The following RAD51B variants were observed in gnomAD, a reference collection of about 807,000 sequenced individuals.
RAD51B encodes the protein DNA repair protein RAD51 homolog 2.
In RAD51B, 38 loss-of-function variants were observed where a neutral mutation model predicts 42.2. The ratio of observed to expected loss-of-function variants is 0.90; its 90% CI spans 0.70 to 1.18. The LOEUF (loss-of-function observed/expected upper bound fraction) is 1.18, where lower values mean the gene tolerates loss of function less well. RAD51B is among the 50% of genes most tolerant of loss of function. The probability of loss-of-function intolerance (pLI) is 0.00; values close to 1 mark genes in which losing one functional copy is unlikely to be tolerated. For synonymous variants in RAD51B, 154 were observed against 145.2 expected, an observed-to-expected ratio of 1.06 and a Z score of -0.43; for missense variants, 373 against 400.7, an observed-to-expected ratio of 0.93 and a Z score of 0.59.
chr14:68,079,397 C>A (rs115905679), intron 7 of RAD51B, among the ~76,000 whole-genome samples: 1 of 152,128 alleles, frequency 6.6e-6, no homozygotes, highest in South Asian at 2.1e-4. Flanking sequence ...TATTTTGGGG[C>A]ATTTTAAAAA....
intron 10 of RAD51B, among the ~76,000 whole-genome samples, chr14:68,593,381 G>A (rs1009174527): frequency 1.3e-5 from 2 of 152,200 alleles, no homozygotes; most frequent in Admixed American, 6.5e-5. Flanking sequence ...TCAAGCTCTC[G>A]CCAGCCGATG....
At chr14:68,488,224 A>G (rs1010513059) in intron 10 of RAD51B, among the ~76,000 whole-genome samples, 11 of 136,470 alleles carry the variant, frequency 8.1e-5, no homozygotes, top group Non-Finnish European at 1.4e-4. Context: ...TTTTTTTTCA[A>G]TAATACAGGG....
At chr14:68,201,218 A>G (rs997914553) in intron 7 of RAD51B, among the ~76,000 whole-genome samples, 4 of 152,238 alleles carry the variant, frequency 2.6e-5, no homozygotes, top group African/African-American at 9.6e-5. Context: ...TATTGATTTT[A>G]TAAATATAAA....
At chr14:68,371,538 G>C (rs2083265395) in intron 8 of RAD51B, among the ~76,000 whole-genome samples, 1 of 151,862 alleles carries the variant, frequency 6.6e-6, no homozygotes, top group Admixed American at 6.6e-5. Flanking sequence ...AAGGGGTTCT[G>C]TCCTAGAATA....
chr14:68,561,808 A>G (rs1889164104), intron 10 of RAD51B, among the ~76,000 whole-genome samples: 1 of 152,208 alleles, frequency 6.6e-6, no homozygotes, highest in Admixed American at 6.5e-5. Context: ...TTGGTGAATG[A>G]ACATACCGGC....
intron 8 of RAD51B, among the ~76,000 whole-genome samples, chr14:68,333,283 T>C (rs577979879): frequency 3.3e-5 from 5 of 152,298 alleles, no homozygotes; most frequent in Admixed American, 3.3e-4. Flanking sequence ...AACTGGTGAT[T>C]TTTAGAAGAA....
intron 7 of RAD51B, among the ~76,000 whole-genome samples, chr14:68,239,168 C>A (rs904295259): frequency 6.6e-6 from 1 of 152,202 alleles, no homozygotes; most frequent in Admixed American, 6.5e-5. Context: ...GAGGAAAACG[C>A]CTCCACTCCC....
intron 4 of RAD51B, among the ~76,000 whole-genome samples, chr14:67,857,658 T>C (rs1182284288): frequency 6.6e-6 from 1 of 152,200 alleles, no homozygotes; most frequent in African/African-American, 2.4e-5. Context: ...ACTTGGCACA[T>C]GGATAGTATG....
rs116867856 is a variant in RAD51B at position 68,204,570 on chromosome 14, A to T, written c.757-87314A>T. Among the ~76,000 whole-genome samples, 703 of 152,362 alleles carry T rather than the reference A, an allele frequency of 4.6e-3. 4 individuals carry two copies. The highest frequency in any genetic ancestry group is 0.014 in the Middle Eastern group (4 of 294). The stretch of plus-strand genomic sequence containing the variant: ...AAAATGGCACTAATAGACTTGTTTG[A>T]TGCAGAGTTGCCACAACCTTCAATT... On this transcript the variant is annotated intron_variant, in intron 7 of 10. Coordinates refer to ENST00000471583, the MANE Select transcript of RAD51B (RefSeq NM_133510.4).
At chr14:68,366,323 T>A (rs2083141841) in intron 8 of RAD51B, among the ~76,000 whole-genome samples, 1 of 152,188 alleles carries the variant, frequency 6.6e-6, no homozygotes, top group South Asian at 2.1e-4. Context: ...TCATCCTCTC[T>A]CTGACCATGA....
intron 10 of RAD51B, among the ~76,000 whole-genome samples, chr14:68,586,401 C>T (rs1156591945): frequency 3.3e-5 from 5 of 152,184 alleles, no homozygotes; most frequent in Non-Finnish European, 5.9e-5. Flanking sequence ...AGAACCTCAC[C>T]GGCCCTTGTG....
intron 10 of RAD51B, among the ~76,000 whole-genome samples, chr14:68,618,258 C>T (rs561851373): frequency 1.1e-4 from 16 of 152,332 alleles, no homozygotes; most frequent in African/African-American, 3.4e-4. Context: ...AATGGGGCAC[C>T]ATTGACCTCT....
At chr14:68,537,784 T>G (rs1436216855) in intron 10 of RAD51B, among the ~76,000 whole-genome samples, 2 of 152,168 alleles carry the variant, frequency 1.3e-5, no homozygotes, top group African/African-American at 4.8e-5. Context: ...TTTTTCTTAA[T>G]CGACCTTTTC....
intron 7 of RAD51B, among the ~76,000 whole-genome samples, chr14:68,246,733 GATAA>G (rs1368674604): frequency 2.0e-5 from 3 of 152,152 alleles, no homozygotes; most frequent in Admixed American, 2.0e-4. Flanking sequence ...AGGAAATCTG[GATAA>G]ATAGAGTTCT....
intron 7 of RAD51B, among the ~76,000 whole-genome samples, chr14:67,940,496 T>C (rs542904608): frequency 1.3e-5 from 2 of 152,288 alleles, no homozygotes; most frequent in South Asian, 4.1e-4. Flanking sequence ...ATCTATTTTT[T>C]ACTTTTTTTG....
rs1595025247 is a variant in RAD51B at position 67,864,764 on chromosome 14, G to A, written c.316-239G>A. The A allele has an allele frequency of 1.2e-5, 8 of 655,148 alleles. No homozygotes were observed. The East Asian group carries it at 2.6e-4, about 21-fold the overall frequency. The allele number at this position is 655,148 out of a possible 1,614,324, so 40.6% of individuals were successfully genotyped here. A position where few individuals can be genotyped will look rare whatever the true frequency, so the allele number is the denominator to read the frequency against. On this transcript the variant is annotated intron_variant, in intron 4 of 10. Transcript: ENST00000471583. ...ACAAAATACAGTGGATGATTTGAGT[G>A]ACTATTTTCTCAATTCCTCCAAGGA...
intron 7 of RAD51B, among the ~76,000 whole-genome samples, chr14:67,920,016 GT>G (rs2044271133): frequency 6.6e-6 from 1 of 151,932 alleles, no homozygotes; most frequent in Non-Finnish European, 1.5e-5. Context: ...ATTTATTGTA[GT>G]TTAAAGGATT....
chr14:67,988,959 T>C (rs2075242602), intron 7 of RAD51B, among the ~76,000 whole-genome samples: 1 of 152,238 alleles, frequency 6.6e-6, no homozygotes, highest in African/African-American at 2.4e-5. Context: ...ATTAGACTTC[T>C]GAATTAACAG....
chr14:68,060,297 C>T (rs565013586), intron 7 of RAD51B, among the ~76,000 whole-genome samples: 4 of 152,124 alleles, frequency 2.6e-5, no homozygotes, highest in Non-Finnish European at 4.4e-5. Context: ...TTTGTAGTTA[C>T]CACAACTATT....
Sources: gnomAD v4.1 joint callset for allele counts (sites outside exome capture counted in the v4.1 genomes callset) on GRCh38, gnomAD v4.1.1 for gene constraint, MANE v1.5 for transcripts, NCBI Gene and HGNC (gene_info 2026-07-23, HGNC 2026-07-21) for gene names.